Variants in IL1RAPL1 observed in about 807,000 individuals in gnomAD.
IL1RAPL1 encodes interleukin-1 receptor accessory protein-like 1.
In IL1RAPL1, 3 loss-of-function variants were observed where a neutral mutation model predicts 48.4. The ratio of observed to expected loss-of-function variants is 0.06; its 90% CI spans 0.03 to 0.16. The LOEUF is 0.16. IL1RAPL1 is among the 10% of genes least tolerant of loss of function. The pLI is 1.00. For synonymous variants in IL1RAPL1, 185 were observed against 187.7 expected, an observed-to-expected ratio of 0.99 and a Z score of 0.12; for missense variants, 349 against 530.6, an observed-to-expected ratio of 0.66 and a Z score of 3.36.
chrX:29,604,534 G>A (rs897884521), intron 5 of IL1RAPL1, among the ~76,000 whole-genome samples: 3 of 111,032 alleles, frequency 2.7e-5, no homozygotes, highest in Non-Finnish European at 3.8e-5. Flanking sequence ...TGCCTTCCTG[G>A]TTCAAGCGAT....
chrX:28,968,318 G>A (rs746429980), intron 2 of IL1RAPL1, among the ~76,000 whole-genome samples: 1 of 111,056 alleles, frequency 9.0e-6, no homozygotes, highest in Non-Finnish European at 1.9e-5. Context: ...AATTTGGGGG[G>A]CTGAGATACA....
chrX:29,129,362 C>T (rs1294590735), intron 2 of IL1RAPL1, among the ~76,000 whole-genome samples: 3 of 110,471 alleles, frequency 2.7e-5, no homozygotes, highest in Non-Finnish European at 5.7e-5. Flanking sequence ...CATTTTACAT[C>T]AGTGTTTTAG....
intron 2 of IL1RAPL1, among the ~76,000 whole-genome samples, chrX:28,861,682 C>T (rs1921947764): frequency 9.0e-6 from 1 of 111,117 alleles, no homozygotes; most frequent in Non-Finnish European, 1.9e-5. Context: ...TGAGGGTTGA[C>T]CCCATTACTT....
chrX:29,403,220 T>A (rs1042495914), intron 5 of IL1RAPL1, among the ~76,000 whole-genome samples: 16 of 112,372 alleles, frequency 1.4e-4, no homozygotes, highest in Non-Finnish European at 3.0e-4. Flanking sequence ...GACTTAACAG[T>A]TATTTTATAC....
intron 2 of IL1RAPL1, among the ~76,000 whole-genome samples, chrX:29,194,552 C>T (rs952410610): frequency 1.8e-5 from 2 of 112,271 alleles, no homozygotes; most frequent in Non-Finnish European, 3.8e-5. Context: ...ACCCCTTTTC[C>T]TCAAAGACTT....
At chrX:29,160,973 G>A (rs966307334) in intron 2 of IL1RAPL1, among the ~76,000 whole-genome samples, 2 of 110,957 alleles carry the variant, frequency 1.8e-5, no homozygotes, top group African/African-American at 3.3e-5. Context: ...CAGGAGAATC[G>A]CTTGAGCCCG....
intron 2 of IL1RAPL1, among the ~76,000 whole-genome samples, chrX:28,814,502 C>T (rs1368673910): frequency 2.7e-5 from 3 of 109,560 alleles, no homozygotes; most frequent in Non-Finnish European, 5.7e-5. Flanking sequence ...TTCCAACTTT[C>T]CTTTGATTAG....
At chrX:28,985,595 G>A (rs746258867) in intron 2 of IL1RAPL1, among the ~76,000 whole-genome samples, 1 of 111,896 alleles carries the variant, frequency 8.9e-6, no homozygotes, top group Non-Finnish European at 1.9e-5. Context: ...ATTCCGTGTA[G>A]GTGCTGAATA....
chrX:29,028,863 G>T (rs1235941263), intron 2 of IL1RAPL1, among the ~76,000 whole-genome samples: 1 of 110,883 alleles, frequency 9.0e-6, no homozygotes, highest in Non-Finnish European at 1.9e-5. Flanking sequence ...GTGCCGGGAG[G>T]TGCAGTCCAT....
intron 2 of IL1RAPL1, among the ~76,000 whole-genome samples, chrX:28,976,582 A>G (rs1441289123): frequency 9.0e-6 from 1 of 111,656 alleles, no homozygotes; most frequent in Non-Finnish European, 1.9e-5. Context: ...AAGTTTCCAA[A>G]TAGGCAGTTT....
chrX:29,486,019 C>T (rs907737718), intron 5 of IL1RAPL1, among the ~76,000 whole-genome samples: 16 of 111,326 alleles, frequency 1.4e-4, no homozygotes, highest in Admixed American at 3.8e-4. Context: ...TATTTGTACC[C>T]GAAGCTCCAG....
At chrX:28,649,950 G>T (rs1022363872) in intron 1 of IL1RAPL1, among the ~76,000 whole-genome samples, 1 of 111,630 alleles carries the variant, frequency 9.0e-6, no homozygotes, top group African/African-American at 3.3e-5. Context: ...GACATGGAGT[G>T]CCATGAGAGA....
At chrX:29,777,405 C>T (rs1929224278) in intron 6 of IL1RAPL1, among the ~76,000 whole-genome samples, 1 of 111,958 alleles carries the variant, frequency 8.9e-6, no homozygotes, top group Non-Finnish European at 1.9e-5. Context: ...TTGTCATTGT[C>T]TATGTTGATG....
At chrX:29,289,518 T>C (rs936791503) in intron 3 of IL1RAPL1, among the ~76,000 whole-genome samples, 2 of 112,393 alleles carry the variant, frequency 1.8e-5, no homozygotes, top group Non-Finnish European at 3.8e-5. Flanking sequence ...CCTCCTACTT[T>C]ATATGTCTTT....
intron 3 of IL1RAPL1, among the ~76,000 whole-genome samples, chrX:29,393,268 C>T (rs111379629): frequency 0.094 from 10,423 of 111,238 alleles, 388 homozygotes; most frequent in South Asian, 0.17. Context: ...ACTACAGGCG[C>T]CCGCCACCAC....
chrX:29,056,427 A>G (rs751439812), intron 2 of IL1RAPL1, among the ~76,000 whole-genome samples: 1 of 111,552 alleles, frequency 9.0e-6, no homozygotes, highest in Admixed American at 9.6e-5. Flanking sequence ...ACTTCACATC[A>G]ATAATATACT....
In IL1RAPL1 at chrX:29,906,460, AATATATATATAT is replaced by A. The variant is rs1164023016; in HGVS notation, c.779-10953_779-10942del. Among the ~76,000 whole-genome samples the A allele has an allele frequency of 9.3e-3, 277 of 29,795 alleles. 4 individuals are homozygous for A. Among genetic ancestry groups the A allele is most frequent in the South Asian group, 0.012 (4 of 323 alleles). The allele number at this position is 29,795 out of a possible 115,157, so 25.9% of individuals were successfully genotyped here. A position where few individuals can be genotyped will look rare whatever the true frequency, so the allele number is the denominator to read the frequency against. On this transcript the variant is annotated intron_variant, in intron 6 of 10. Coordinates refer to ENST00000378993, the MANE Select transcript of IL1RAPL1 (RefSeq NM_014271.4). ...ATATTTCTTTCTACATAACTTTGTA[AATATATATATAT>A]ATATATATATATATATATATATATA...
intron 3 of IL1RAPL1, among the ~76,000 whole-genome samples, chrX:29,377,965 T>C (rs1244374582): frequency 3.6e-5 from 4 of 110,893 alleles, no homozygotes; most frequent in African/African-American, 9.8e-5. Context: ...TTAAGTTGCT[T>C]ATTCTCTCTT....
intron 2 of IL1RAPL1, among the ~76,000 whole-genome samples, chrX:28,904,603 A>C (rs1470846705): frequency 8.9e-6 from 1 of 112,314 alleles, no homozygotes; most frequent in Non-Finnish European, 1.9e-5. Context: ...TCTTAGCCAC[A>C]GTTTCCTTGT....
Sources: allele counts gnomAD v4.1 joint callset (sites outside exome capture counted in the v4.1 genomes callset), GRCh38; gene constraint gnomAD v4.1.1; transcripts MANE v1.5; gene names NCBI Gene and HGNC (gene_info 2026-07-23, HGNC 2026-07-21).